The following PLPPR1 variants were observed in gnomAD, a reference collection of about 807,000 sequenced individuals.
The protein encoded by PLPPR1 is phospholipid phosphatase related 1, also known as phospholipid phosphatase-related protein type 1.
A neutral mutation model predicts 33.1 loss-of-function variants in PLPPR1; 10 were observed. The ratio of observed to expected loss-of-function variants is 0.30; its 90% CI spans 0.19 to 0.51. The LOEUF (loss-of-function observed/expected upper bound fraction) is 0.51, where lower values mean the gene tolerates loss of function less well. Ranked by LOEUF, PLPPR1 falls within the 20% of genes least tolerant of loss-of-function variation. PLPPR1 has a pLI of 0.97. For missense variants in PLPPR1, 304 were observed against 408.1 expected (o/e 0.74, Z 2.20); for synonymous variants, 151 against 151.0 (o/e 1.00, Z 0.00).
intron 2 of PLPPR1, among the ~76,000 whole-genome samples, chr9:101,229,471 T>A (rs1298272761): frequency 6.6e-6 from 1 of 152,118 alleles, no homozygotes; most frequent in Non-Finnish European, 1.5e-5. Context: ...ACTCATCAAA[T>A]GTTTAATCAT....
chr9:101,270,778 T>G (rs1010985529), intron 3 of PLPPR1, among the ~76,000 whole-genome samples: 1 of 152,212 alleles, frequency 6.6e-6, no homozygotes, highest in African/African-American at 2.4e-5. Flanking sequence ...AAAATGATAT[T>G]TGGGGGAGTT....
intron 2 of PLPPR1, among the ~76,000 whole-genome samples, chr9:101,192,237 T>A (rs1826308743): frequency 6.6e-6 from 1 of 152,216 alleles, no homozygotes; most frequent in African/African-American, 2.4e-5. Flanking sequence ...GACTGCCCTG[T>A]TCCTGAGACT....
chr9:101,291,363 CACAG>C (rs1398015049), intron 4 of PLPPR1, among the ~76,000 whole-genome samples: 1 of 152,222 alleles, frequency 6.6e-6, no homozygotes, highest in Non-Finnish European at 1.5e-5. Context: ...GGGGGCAGGG[CACAG>C]ACAAACAAAA....
At chr9:101,288,960 T>TA (rs1029169244) in intron 4 of PLPPR1, among the ~76,000 whole-genome samples, 6 of 152,198 alleles carry the variant, frequency 3.9e-5, no homozygotes, top group African/African-American at 1.4e-4. Context: ...ATTCTCTGCT[T>TA]AAAACCTTTC....
chr9:101,198,841 T>A (rs181797266), intron 2 of PLPPR1, among the ~76,000 whole-genome samples: 106 of 152,252 alleles, frequency 7.0e-4, no homozygotes, highest in Non-Finnish European at 1.3e-3. Flanking sequence ...GGCTGGAGCT[T>A]AGAGGATGAG....
chr9:101,163,197 C>T (rs965522536), intron 1 of PLPPR1, among the ~76,000 whole-genome samples: 1 of 152,136 alleles, frequency 6.6e-6, no homozygotes, highest in Non-Finnish European at 1.5e-5. Flanking sequence ...TCTTATTGAA[C>T]AGAATAGTAT....
intron 2 of PLPPR1, among the ~76,000 whole-genome samples, chr9:101,247,086 C>G (rs1827624235): frequency 6.6e-6 from 1 of 151,864 alleles, no homozygotes. Context: ...TATGGGAGGT[C>G]TCATAGAAGA....
Position 101,244,462 on chromosome 9 carries a change from A to G in PLPPR1, c.64-25418A>G, listed in dbSNP as rs1002589299. Among the ~76,000 whole-genome samples, 12 of 151,940 alleles carry G rather than the reference A, an allele frequency of 7.9e-5. 1 individual carries two copies. In the South Asian group the frequency reaches 2.5e-3, roughly 32 times the overall value. On this transcript the variant is annotated intron_variant, in intron 2 of 7. Transcript: ENST00000374874. ...AATTTTTTTTTTTGGTATTTCTGTT[A>G]AGTTACATCTACGCTCTCTCATCAT...
chr9:101,187,325 C>T lies in PLPPR1; in HGVS notation c.63+1768C>T, dbSNP rs906508251. 11 of 151,912 alleles carry T rather than the reference C, an allele frequency of 7.2e-5. No homozygotes were observed. In the South Asian group the frequency reaches 1.7e-3, roughly 23 times the overall value. 9.4% of individuals were successfully genotyped at this position (151,912 alleles called of 1,614,324 possible). A position where few individuals can be genotyped will look rare whatever the true frequency, so the allele number is the denominator to read the frequency against. On this transcript the variant is annotated intron_variant, in intron 2 of 7. Coordinates refer to ENST00000374874, the MANE Select transcript of PLPPR1 (RefSeq NM_207299.2). ...ATTTATTGCTGGAAGCTGTAGTCTC[C>T]GAAGATTTTCAGCTCTCTAATGTGT...
At chr9:101,117,230 T>C (rs1831127903) in intron 1 of PLPPR1, among the ~76,000 whole-genome samples, 3 of 152,014 alleles carry the variant, frequency 2.0e-5, no homozygotes. Flanking sequence ...CAGGATGAGA[T>C]AGGAGGTCAG....
chr9:101,058,243 C>G (rs1271917239), intron 1 of PLPPR1, among the ~76,000 whole-genome samples: 1 of 151,854 alleles, frequency 6.6e-6, no homozygotes, highest in African/African-American at 2.4e-5. Flanking sequence ...ACCAAGAGAG[C>G]TGGAATGGGA....
chr9:101,142,201 C>G (rs1831460228), intron 1 of PLPPR1, among the ~76,000 whole-genome samples: 1 of 152,162 alleles, frequency 6.6e-6, no homozygotes, highest in Non-Finnish European at 1.5e-5. Flanking sequence ...AGTCTTACTG[C>G]TAATAATAGT....
intron 1 of PLPPR1, among the ~76,000 whole-genome samples, chr9:101,093,504 A>G (rs73493856): frequency 0.021 from 3,123 of 152,302 alleles, 110 homozygotes; most frequent in African/African-American, 0.071. Context: ...AAACTTCAGA[A>G]TGTCAGCCTT....
chr9:101,109,492 G>C (rs1831024146), intron 1 of PLPPR1, among the ~76,000 whole-genome samples: 1 of 152,064 alleles, frequency 6.6e-6, no homozygotes, highest in African/African-American at 2.4e-5. Context: ...CTCTTATAAA[G>C]CCAGTGCTAT....
rs550081144 is a variant in PLPPR1, at chr9:101,291,996, C to G, written c.385+5760C>G. Reference sequence around the variant, plus strand: ...CTTCAGACGATCAAACTACTCTGAGCTACAGGAGGAAATTCAAATCAAAGG... The same window carrying G: ...CTTCAGACGATCAAACTACTCTGAGGTACAGGAGGAAATTCAAATCAAAGG... On this transcript the variant is annotated intron_variant, in intron 4 of 7. Transcript: ENST00000374874. Among the ~76,000 whole-genome samples, 6 of 152,190 alleles carry G rather than the reference C, an allele frequency of 3.9e-5. No individual in the cohort carries two copies. In the South Asian group the frequency reaches 1.2e-3, roughly 32 times the overall value.
intron 2 of PLPPR1, among the ~76,000 whole-genome samples, chr9:101,191,236 G>A (rs1826292126): frequency 6.6e-6 from 1 of 152,120 alleles, no homozygotes; most frequent in South Asian, 2.1e-4. Flanking sequence ...GATGGTGCAG[G>A]AAAAGGAGAA....
chr9:101,115,491 C>A (rs1478558595), intron 1 of PLPPR1, among the ~76,000 whole-genome samples: 2 of 152,124 alleles, frequency 1.3e-5, no homozygotes, highest in African/African-American at 4.8e-5. Context: ...GTACAAATTG[C>A]CAGTTGAGAT....
chr9:101,092,967 G>A (rs191766778), intron 1 of PLPPR1, among the ~76,000 whole-genome samples: 2 of 152,166 alleles, frequency 1.3e-5, no homozygotes, highest in Non-Finnish European at 2.9e-5. Flanking sequence ...CCAGGAAGAG[G>A]GCCCTCACCA....
Position 101,280,674 on chromosome 9 carries a change from TATC to T in PLPPR1, c.253-5427_253-5425del, listed in dbSNP as rs535455427. 8.9e-4 allele frequency among the ~76,000 whole-genome samples: 136 copies of T among 152,052 alleles called. 1 individual carries two copies. The highest frequency in any genetic ancestry group is 3.2e-3 in the African/African-American group (131 of 41,536). ...ATCATATCAGAATGAAGAAAAAAAT[TATC>T]ATTTCCATTAATGCTGAAAAAAGTA... On this transcript the variant is annotated intron_variant, in intron 3 of 7. Coordinates refer to ENST00000374874, the MANE Select transcript of PLPPR1 (RefSeq NM_207299.2).
Sources: gnomAD v4.1 joint callset for allele counts (sites outside exome capture counted in the v4.1 genomes callset) on GRCh38, gnomAD v4.1.1 for gene constraint, MANE v1.5 for transcripts, NCBI Gene and HGNC (gene_info 2026-07-23, HGNC 2026-07-21) for gene names.